The following ADAM2 variants were observed in gnomAD, a reference collection of about 807,000 sequenced individuals.
The protein encoded by ADAM2 is disintegrin and metalloproteinase domain-containing protein 2.
In ADAM2, 101 loss-of-function variants were observed where a neutral mutation model predicts 99.3. That is an observed-to-expected ratio of 1.02 (90% confidence interval 0.87 to 1.20). ADAM2 has a LOEUF of 1.20. ADAM2 is among the 50% of genes most tolerant of loss of function. The pLI, the probability that ADAM2 is intolerant of heterozygous loss-of-function variation, is 0.00. For missense variants in ADAM2, 948 were observed against 878.7 expected (o/e 1.08, Z -1.00); for synonymous variants, 323 against 287.6 (o/e 1.12, Z -1.25).
At chr8:39,811,587 G>A (rs566014544) in intron 6 of ADAM2, among the ~76,000 whole-genome samples, 2 of 152,282 alleles carry the variant, frequency 1.3e-5, no homozygotes, top group African/African-American at 2.4e-5. Context: ...CCACGATCAA[G>A]CTGGCTTCAT....
At chr8:39,760,269 CTA>C (rs1421902258) in intron 15 of ADAM2, among the ~76,000 whole-genome samples, 3 of 152,062 alleles carry the variant, frequency 2.0e-5, no homozygotes, top group African/African-American at 7.2e-5. Flanking sequence ...CATACAGCGT[CTA>C]TGTTTCCCAC....
At chr8:39,836,095 A>T (rs1311019136) in intron 2 of ADAM2, among the ~76,000 whole-genome samples, 3 of 152,168 alleles carry the variant, frequency 2.0e-5, no homozygotes, top group African/African-American at 7.2e-5. Context: ...AGTGCACAAA[A>T]GCATAAATAC....
At chr8:39,801,910 C>T (rs1046448018) in intron 7 of ADAM2, among the ~76,000 whole-genome samples, 3 of 152,092 alleles carry the variant, frequency 2.0e-5, no homozygotes, top group African/African-American at 4.8e-5. Context: ...AAATGGGTGC[C>T]GCCCTTCCCC....
intron 14 of ADAM2, among the ~76,000 whole-genome samples, chr8:39,761,927 A>C (rs571265084): frequency 1.3e-5 from 2 of 152,140 alleles, no homozygotes; most frequent in Admixed American, 1.3e-4. Flanking sequence ...TAAAACTACA[A>C]AAGAAAATTA....
At chr8:39,832,169 G>C (rs1026359053) in intron 3 of ADAM2, among the ~76,000 whole-genome samples, 1 of 152,116 alleles carries the variant, frequency 6.6e-6, no homozygotes, top group African/African-American at 2.4e-5. Context: ...ATTGGTTCCT[G>C]GTGTCCTTAT....
At chr8:39,767,087 A>G (rs377357533) in intron 13 of ADAM2, 44 bp from the exon 14 acceptor site, 3 of 1,600,140 alleles carry the variant, frequency 1.9e-6, no homozygotes, top group Non-Finnish European at 1.7e-6. Flanking sequence ...CAGAATGAGA[A>G]TACATAAGCA....
chr8:39,822,767 G>GTTTTT (rs1563381005), intron 4 of ADAM2, among the ~76,000 whole-genome samples: 1 of 149,198 alleles, frequency 6.7e-6, no homozygotes, highest in African/African-American at 2.5e-5. Context: ...GTTTTGTTTT[G>GTTTTT]TTTTTTGTTT....
In ADAM2 at chr8:39,777,844, A is replaced by C. The variant is rs186520246; in HGVS notation, c.892-683T>G. Among the ~76,000 whole-genome samples the C allele has an allele frequency of 2.2e-3, 327 of 151,820 alleles. 3 individuals are homozygous for C. The highest frequency in any genetic ancestry group is 3.6e-3 in the Admixed American group (55 of 15,208). ...CCATAATAAAAATTAAAATTAAAAA[A>C]ATTGATTCCTCAATGATAATATTTT... On this transcript the variant is annotated intron_variant, in intron 10 of 20. Coordinates refer to ENST00000265708, the MANE Select transcript of ADAM2 (RefSeq NM_001464.5).
intron 6 of ADAM2, among the ~76,000 whole-genome samples, chr8:39,814,433 C>T (rs1804851170): frequency 6.6e-6 from 1 of 151,840 alleles, no homozygotes; most frequent in Non-Finnish European, 1.5e-5. Flanking sequence ...GACAAAAGTG[C>T]TTACATACAT....
rs779226972 is a variant in ADAM2, at chr8:39,809,400, A to G, written c.570+10T>C. The G allele has an allele frequency of 2.9e-5, 30 of 1,042,576 alleles. No homozygotes were observed. The highest frequency in any genetic ancestry group is 1.8e-4 in the South Asian group (13 of 73,244). 64.6% of individuals were successfully genotyped at this position (1,042,576 alleles called of 1,614,324 possible). A position where few individuals can be genotyped will look rare whatever the true frequency, so the allele number is the denominator to read the frequency against. On this transcript the variant is annotated intron_variant, in intron 7 of 20. Transcript: ENST00000265708. ...TATTAAGGGACATAAATAAATCAGA[A>G]TATACTTACCAATTGTTTTTCAACT...
intron 5 of ADAM2, 135 bp from the exon 6 acceptor site, chr8:39,821,305 G>A (rs1805178448): frequency 3.0e-6 from 2 of 673,858 alleles, no homozygotes; most frequent in Admixed American, 3.1e-5. Context: ...ATAGGAGAAA[G>A]TTACTGGGTA....
intron 15 of ADAM2, among the ~76,000 whole-genome samples, chr8:39,757,776 C>T (rs1429412311): frequency 1.3e-5 from 2 of 152,158 alleles, no homozygotes; most frequent in East Asian, 1.9e-4. Context: ...ATGCAATTTC[C>T]GTTATGTATT....
At chr8:39,779,135 G>A (rs996950091) in intron 10 of ADAM2, among the ~76,000 whole-genome samples, 1 of 151,650 alleles carries the variant, frequency 6.6e-6, no homozygotes, top group African/African-American at 2.4e-5. Context: ...GATCATTATA[G>A]GATCAAAATA....
At chr8:39,754,763 A>G (rs776249487) in intron 16 of ADAM2, among the ~76,000 whole-genome samples, 29 of 152,304 alleles carry the variant, frequency 1.9e-4, no homozygotes, top group African/African-American at 7.0e-4. Flanking sequence ...TTATAATTTA[A>G]ACATGAGACT....
chr8:39,812,276 G>A (rs1011050814), intron 6 of ADAM2, among the ~76,000 whole-genome samples: 3 of 152,056 alleles, frequency 2.0e-5, no homozygotes, highest in African/African-American at 7.2e-5. Flanking sequence ...AAATAAAAGA[G>A]GACACAAACA....
At chr8:39,749,951 AAAC>A (rs1369050803) in intron 16 of ADAM2, among the ~76,000 whole-genome samples, 1 of 152,126 alleles carries the variant, frequency 6.6e-6, no homozygotes, top group Non-Finnish European at 1.5e-5. Flanking sequence ...ATCTAGGAGT[AAAC>A]AAAACAATAA....
chr8:39,770,682 G>A (rs866591920), intron 11 of ADAM2, among the ~76,000 whole-genome samples: 72 of 152,244 alleles, frequency 4.7e-4, no homozygotes, highest in Middle Eastern at 3.4e-3. Context: ...TACATGTAAA[G>A]TACTAAAAAC....
rs1231405843 is a variant in ADAM2 at position 39,749,374 on chromosome 8, C to T, written c.1952G>A (p.Trp651Ter). ...GCCACTGTCAATACTCCCACCAGGC[C>T]ATAGATCTGATTGAACTGAGCAATC... Reference protein sequence around the residue: ...PPDCSVQSDLWPGGSIDSGNF... With the variant: ...PPDCSVQSDL The change falls in exon 18 of 21, where the codon TGG (tryptophan) becomes TAG (stop). Residue 651 changes from tryptophan (W) to a stop codon, truncating the protein, a stop_gained. Coordinates refer to ENST00000265708, the MANE Select transcript of ADAM2 (RefSeq NM_001464.5). LOFTEE classifies it high-confidence loss of function. 9 of 1,613,334 alleles carry T rather than the reference C, an allele frequency of 5.6e-6. No homozygotes were observed. The South Asian group carries it at 8.8e-5, about 16-fold the overall frequency.
At chr8:39,794,412 T>G (rs978735049) in intron 7 of ADAM2, among the ~76,000 whole-genome samples, 1 of 152,110 alleles carries the variant, frequency 6.6e-6, no homozygotes, top group Non-Finnish European at 1.5e-5. Context: ...AAGTTAGCTA[T>G]AGCATGCTGG....
Sources: gnomAD v4.1 joint callset for allele counts (sites outside exome capture counted in the v4.1 genomes callset) on GRCh38, gnomAD v4.1.1 for gene constraint, MANE v1.5 for transcripts, NCBI Gene and HGNC (gene_info 2026-07-23, HGNC 2026-07-21) for gene names.